Variants in BRMS1L observed in about 807,000 individuals in gnomAD.
BRMS1L encodes the protein breast cancer metastasis-suppressor 1-like protein.
BRMS1L carries 23 observed loss-of-function variants against 50.3 expected under a neutral mutation model. The observed-to-expected ratio is 0.46, with a 90% CI of 0.33 to 0.65. The LOEUF (loss-of-function observed/expected upper bound fraction) is 0.65. BRMS1L is among the 30% of genes least tolerant of loss of function. The pLI is 0.02. For synonymous variants in BRMS1L, 114 were observed against 126.9 expected, an observed-to-expected ratio of 0.90 and a Z score of 0.69; for missense variants, 286 against 386.1, an observed-to-expected ratio of 0.74 and a Z score of 2.17.
intron 8 of BRMS1L, among the ~76,000 whole-genome samples, chr14:35,866,399 A>G (rs2078421704): frequency 1.3e-5 from 2 of 152,202 alleles, no homozygotes; most frequent in Non-Finnish European, 1.5e-5. Context: ...AGTAATCGAT[A>G]AGAGACCAAT....
chr14:35,859,098 G>T (rs558453873), intron 4 of BRMS1L, among the ~76,000 whole-genome samples: 6 of 151,696 alleles, frequency 4.0e-5, no homozygotes, highest in Non-Finnish European at 7.4e-5. Context: ...CCTGCACCAC[G>T]CCCGGCTTAT....
intron 4 of BRMS1L, among the ~76,000 whole-genome samples, chr14:35,839,393 T>A (rs538775521): frequency 7.9e-5 from 12 of 152,228 alleles, no homozygotes; most frequent in Non-Finnish European, 1.6e-4. Context: ...AGTATTTTTT[T>A]CTAACTCTTT....
Position 35,846,030 on chromosome 14 carries a change from C to A in BRMS1L, c.441+11107C>A, listed in dbSNP as rs537156327. 4.6e-5 allele frequency among the ~76,000 whole-genome samples: 7 copies of A among 152,284 alleles called. No homozygotes were observed. In the South Asian group the frequency reaches 1.2e-3, roughly 27 times the overall value. ...CATGATGCACTTTTACCCCTGAGTCCTTTAATGTATATTAGAAACAAATGA... is the reference window on the plus strand; with the variant it reads ...CATGATGCACTTTTACCCCTGAGTCATTTAATGTATATTAGAAACAAATGA... On this transcript the variant is annotated intron_variant, in intron 4 of 9. Coordinates refer to ENST00000216807, the MANE Select transcript of BRMS1L (RefSeq NM_032352.4).
chr14:35,861,868 A>G (rs758857611), intron 4 of BRMS1L, among the ~76,000 whole-genome samples: 3 of 152,168 alleles, frequency 2.0e-5, no homozygotes, highest in African/African-American at 4.8e-5. Context: ...ACATGTGGCC[A>G]TAGGTTTTTT....
At position 35,829,095 on chromosome 14, in the gene BRMS1L, A is replaced by C. The variant is rs560308546; in HGVS notation, c.143-2315A>C. ...TAGCTGGGATTACAGGCATCCTCCAACACACCCGGCTAATTTTTGTGTTTT... is the reference window on the plus strand; with the variant it reads ...TAGCTGGGATTACAGGCATCCTCCACCACACCCGGCTAATTTTTGTGTTTT... On this transcript the variant is annotated intron_variant, in intron 1 of 9. Transcript: ENST00000216807. 4.3e-4 allele frequency among the ~76,000 whole-genome samples: 65 copies of C among 151,690 alleles called. 1 individual carries two copies. In the Middle Eastern group the frequency reaches 0.014, roughly 32 times the overall value.
At chr14:35,829,641 T>G (rs572413317) in intron 1 of BRMS1L, among the ~76,000 whole-genome samples, 7 of 152,176 alleles carry the variant, frequency 4.6e-5, no homozygotes, top group Non-Finnish European at 1.0e-4. Flanking sequence ...ACTTGGATAG[T>G]GAGTCATCTT....
chr14:35,864,722 T>C (rs1594348897), intron 6 of BRMS1L, among the ~76,000 whole-genome samples: 1 of 152,188 alleles, frequency 6.6e-6, no homozygotes, highest in Non-Finnish European at 1.5e-5. Context: ...ATCAATGATA[T>C]CATGGAATTA....
At chr14:35,840,951 G>A (rs537790351) in intron 4 of BRMS1L, among the ~76,000 whole-genome samples, 52 of 152,096 alleles carry the variant, frequency 3.4e-4, no homozygotes, top group Non-Finnish European at 5.9e-4. Context: ...TTAGGGTGTC[G>A]ATTTTAGCTC....
In BRMS1L at chr14:35,870,557, A is replaced by G. The variant is rs1219674201; in HGVS notation, c.*80A>G. The G allele has an allele frequency of 5.2e-6, 4 of 774,110 alleles. No homozygotes were observed. Among genetic ancestry groups the G allele is most frequent in the African/African-American group, 1.8e-5 (1 of 57,114 alleles). 48.0% of individuals were successfully genotyped at this position (774,110 alleles called of 1,614,324 possible). A position where few individuals can be genotyped will look rare whatever the true frequency, so the allele number is the denominator to read the frequency against. On this transcript the variant is annotated 3_prime_UTR_variant, in exon 10 of 10. Transcript: ENST00000216807. Reference sequence around the variant, plus strand: ...CCATGAGAGTAAAAAAATGTATTCAATAACTTAATATTCTCACTGAATCAT... The same window carrying G: ...CCATGAGAGTAAAAAAATGTATTCAGTAACTTAATATTCTCACTGAATCAT...
intron 4 of BRMS1L, among the ~76,000 whole-genome samples, chr14:35,857,595 A>G (rs977496254): frequency 2.0e-5 from 3 of 152,130 alleles, no homozygotes; most frequent in African/African-American, 7.2e-5. Flanking sequence ...TGCTGGAATT[A>G]TAAGTGTGAG....
At chr14:35,843,186 G>A (rs942123794) in intron 4 of BRMS1L, among the ~76,000 whole-genome samples, 10 of 152,164 alleles carry the variant, frequency 6.6e-5, no homozygotes, top group Non-Finnish European at 1.2e-4. Flanking sequence ...CTGCCAATTC[G>A]TCAAGCTCAT....
chr14:35,827,853 A>ACT (rs2077864713), intron 1 of BRMS1L, among the ~76,000 whole-genome samples: 1 of 152,182 alleles, frequency 6.6e-6, no homozygotes, highest in South Asian at 2.1e-4. Context: ...TTGAAGAATG[A>ACT]GTAGAATTTG....
intron 2 of BRMS1L, 106 bp downstream of exon 2, chr14:35,831,606 C>A (rs1408736067): frequency 2.6e-6 from 2 of 771,746 alleles, no homozygotes; most frequent in African/African-American, 1.7e-5. Flanking sequence ...GTATTTTATG[C>A]GACAGACCAA....
In BRMS1L at chr14:35,842,189, AT is replaced by A. The variant is rs537131034; in HGVS notation, c.441+7268del. 2.0e-4 allele frequency among the ~76,000 whole-genome samples: 30 copies of A among 152,002 alleles called. 1 individual carries two copies. In the South Asian group the frequency reaches 6.2e-3, roughly 32 times the overall value. ...TAGCCCGTTTACATTTAAGGTTAATATTGTTATGTGTGAATTTGATCCTGTC... is the reference window on the plus strand; with the variant it reads ...TAGCCCGTTTACATTTAAGGTTAATATGTTATGTGTGAATTTGATCCTGTC... On this transcript the variant is annotated intron_variant, in intron 4 of 9. Coordinates refer to ENST00000216807, the MANE Select transcript of BRMS1L (RefSeq NM_032352.4).
Position 35,835,291 on chromosome 14 carries a change from T to C in BRMS1L, c.441+368T>C, listed in dbSNP as rs544474422. ...TTAGGATGTTGGGCTATAGAATTAGTTTCTGTCTGTCTAGACCTATTTCCA... is the reference window on the plus strand; with the variant it reads ...TTAGGATGTTGGGCTATAGAATTAGCTTCTGTCTGTCTAGACCTATTTCCA... On this transcript the variant is annotated intron_variant, in intron 4 of 9. Transcript: ENST00000216807. 3.3e-5 allele frequency among the ~76,000 whole-genome samples: 5 copies of C among 152,348 alleles called. No homozygotes were observed. The South Asian group carries it at 1.0e-3, about 32-fold the overall frequency.
At chr14:35,847,101 A>G (rs1216876111) in intron 4 of BRMS1L, among the ~76,000 whole-genome samples, 1 of 151,826 alleles carries the variant, frequency 6.6e-6, no homozygotes, top group Non-Finnish European at 1.5e-5. Context: ...CAGCATCTCC[A>G]GTAGCTGGGA....
At chr14:35,831,791 G>A (rs555612401) in intron 2 of BRMS1L, among the ~76,000 whole-genome samples, 95 of 152,242 alleles carry the variant, frequency 6.2e-4, no homozygotes, top group Non-Finnish European at 1.1e-3. Context: ...GTGGTGGTAC[G>A]TGCCTGTGGT....
At chr14:35,829,332 A>G (rs927438427) in intron 1 of BRMS1L, among the ~76,000 whole-genome samples, 9 of 152,158 alleles carry the variant, frequency 5.9e-5, no homozygotes, top group Admixed American at 5.9e-4. Context: ...ATAAAATTCT[A>G]TTTGTTAAAA....
chr14:35,826,430 T>C lies in BRMS1L; in HGVS notation c.-87T>C. The stretch of plus-strand genomic sequence containing the variant: ...GGGGCGAGCAAGCTCGGTGGCTGGG[T>C]GGGTTGGGGCGTTCCGCGCGCCCTT... On this transcript the variant is annotated 5_prime_UTR_variant, in exon 1 of 10. Transcript: ENST00000216807. 4 of 1,530,640 alleles carry C rather than the reference T, an allele frequency of 2.6e-6. No homozygotes were observed. The allele number at this position is 1,530,640 out of a possible 1,614,324, so 94.8% of individuals were successfully genotyped here.
Sources: allele counts gnomAD v4.1 joint callset (sites outside exome capture counted in the v4.1 genomes callset), GRCh38; gene constraint gnomAD v4.1.1; transcripts MANE v1.5; gene names NCBI Gene and HGNC (gene_info 2026-07-23, HGNC 2026-07-21).